GSG1L2: variants seen among roughly 807,000 people sequenced by gnomAD.
The protein encoded by GSG1L2 is GSG1 like 2.
GSG1L2 carries 15 observed loss-of-function variants against 9.0 expected under a neutral mutation model. The ratio of observed to expected loss-of-function variants is 1.67; its 90% CI spans 1.12 to 2.57. The LOEUF (loss-of-function observed/expected upper bound fraction) is 2.57, where lower values mean the gene tolerates loss of function less well. Among genes scored for constraint, GSG1L2 ranks in the 30% most tolerant of loss-of-function variants. GSG1L2 has a pLI of 0.00. For missense variants in GSG1L2, 286 were observed against 150.3 expected, an observed-to-expected ratio of 1.90 and a Z score of -4.72; for synonymous variants, 127 against 57.9, an observed-to-expected ratio of 2.19 and a Z score of -5.41.
Position 9,820,632 on chromosome 17 carries a change from G to T in GSG1L2, c.310+1130C>A, listed in dbSNP as rs1442144532. ...CCACCACTGGGAGAGAGGGTGGAAG[G>T]GAGGGACATACAGCACCTCTGAGTG... is the stretch of plus-strand genomic sequence containing the variant. On this transcript the variant is annotated intron_variant, in intron 1 of 4. Transcript: ENST00000399363. The surrounding 1 kb of genome is among the most constrained non-coding windows in gnomAD (Gnocchi z 4.9). Among the ~76,000 whole-genome samples the T allele has an allele frequency of 6.6e-6, 1 of 151,692 alleles. No homozygotes were observed. Among genetic ancestry groups the T allele is most frequent in the East Asian group, 1.9e-4 (1 of 5,170 alleles).
rs1353972043 is a variant in GSG1L2 at position 9,808,845 on chromosome 17, A to G, written c.496T>C (p.Phe166Leu). 1.4e-6 allele frequency: 1 copy of G among 702,866 alleles called. No homozygotes were observed. Among genetic ancestry groups the G allele is most frequent in the East Asian group, 2.7e-5 (1 of 37,268 alleles). 43.5% of individuals were successfully genotyped at this position (702,866 alleles called of 1,614,324 possible). A position where few individuals can be genotyped will look rare whatever the true frequency, so the allele number is the denominator to read the frequency against. ...WLRVDALVAI[F>L]MVLAGLLGMV... ...TGGAAAGTACCTGCCAGCACCATGA[A>G]GATGGCTACCAAGGCATCCACCCTG... The change falls in exon 3 of 5, where the codon TTC (phenylalanine) becomes CTC (leucine). Residue 166 changes from phenylalanine (F) to leucine (L), a missense_variant. Physicochemically the swap from Phe to Leu is conservative, Grantham distance 22. Transcript: ENST00000399363.
chr17:9,811,546 CAGAT>C (rs1257097961), intron 1 of GSG1L2, among the ~76,000 whole-genome samples: 4 of 152,160 alleles, frequency 2.6e-5, no homozygotes, highest in Non-Finnish European at 5.9e-5. Flanking sequence ...TAGGGGGTGA[CAGAT>C]GGAGGATTGA....
intron 2 of GSG1L2, 151 bp from the exon 3 acceptor site, chr17:9,809,133 T>A: frequency 1.6e-6 from 1 of 610,068 alleles, no homozygotes; most frequent in Non-Finnish European, 3.0e-6. Flanking sequence ...GAATCTTAGC[T>A]GGCAATGGAA....
rs577626414 is a variant in GSG1L2, at chr17:9,815,705, A to G, written c.311-5087T>C. Among the ~76,000 whole-genome samples the G allele has an allele frequency of 8.5e-5, 13 of 152,338 alleles. No homozygotes were observed. In the South Asian group the frequency reaches 1.9e-3, roughly 22 times the overall value. ...ATCTCAAAAGGCATCTCTGAGGAGT[A>G]ATATTTGAGGACATCCAGTGAGGTA... On this transcript the variant is annotated intron_variant, in intron 1 of 4. Coordinates refer to ENST00000399363, the MANE Select transcript of GSG1L2 (RefSeq NM_001310219.2).
chr17:9,812,341 T>TC (rs1322598813), intron 1 of GSG1L2, among the ~76,000 whole-genome samples: 1 of 152,088 alleles, frequency 6.6e-6, no homozygotes, highest in Non-Finnish European at 1.5e-5. Flanking sequence ...GCTCCCTATT[T>TC]CCCCTAGCAT....
chr17:9,807,782 C>T (rs1267663867), intron 3 of GSG1L2, 181 bp from the exon 4 acceptor site: 7 of 578,174 alleles, frequency 1.2e-5, no homozygotes, highest in African/African-American at 1.1e-4. Context: ...ACTGAAGAGA[C>T]ATCCGGAAAG....
chr17:9,808,849 G>A lies in GSG1L2; in HGVS notation c.492C>T (p.Ala164=), dbSNP rs1309115403. The A allele has an allele frequency of 8.5e-6, 6 of 702,760 alleles. No homozygotes were observed. The highest frequency in any genetic ancestry group is 1.6e-5 in the Non-Finnish European group (6 of 384,976). The allele number at this position is 702,760 out of a possible 1,614,324, so 43.5% of individuals were successfully genotyped here. Residue 164 remains alanine (A), a synonymous_variant, in exon 3 of 5, where the codon GCC becomes GCT. Coordinates refer to ENST00000399363, the MANE Select transcript of GSG1L2 (RefSeq NM_001310219.2). The stretch of plus-strand genomic sequence containing the variant: ...AAGTACCTGCCAGCACCATGAAGAT[G>A]GCTACCAAGGCATCCACCCTGAGCC... ...FHWLRVDALV[A]IFMVLAGLLG...
In GSG1L2 at chr17:9,802,600, G is replaced by A. The variant is rs778342420; in HGVS notation, c.668C>T (p.Ser223Leu). ...GGCTGCCGTGAACCTGCTCATGGCC[G>A]AGACCGACACAGCCAGGCAGAGGGC... The part of the protein sequence containing the change: ...SFALCLAVSV[S>L]AMSRFTAARL... Residue 223 changes from serine (S) to leucine (L), a missense_variant, in exon 5 of 5, where the codon TCG becomes TTG. Ser to Leu is a moderately radical substitution (Grantham distance 145). Coordinates refer to ENST00000399363, the MANE Select transcript of GSG1L2 (RefSeq NM_001310219.2). 1.7e-4 allele frequency: 116 copies of A among 702,914 alleles called. 1 individual carries two copies. Among genetic ancestry groups the A allele is most frequent in the African/African-American group, 2.1e-4 (12 of 57,322 alleles). The allele number at this position is 702,914 out of a possible 1,614,324, so 43.5% of individuals were successfully genotyped here.
intron 2 of GSG1L2, 95 bp from the exon 3 acceptor site, chr17:9,809,077 CAT>C: frequency 1.5e-6 from 1 of 650,460 alleles, no homozygotes; most frequent in Non-Finnish European, 2.8e-6. Context: ...CTAAACAAAA[CAT>C]GAAAAACAGA....
At chr17:9,810,828 G>C in intron 1 of GSG1L2, 1 of 566,020 alleles carries the variant, frequency 1.8e-6, no homozygotes, top group Non-Finnish European at 3.1e-6. Flanking sequence ...TTTGACCAAT[G>C]AACTGGGAGC....
rs571198756 is a variant in GSG1L2, at chr17:9,801,311, G to A, written c.*1075C>T. On this transcript the variant is annotated 3_prime_UTR_variant, in exon 5 of 5. Transcript: ENST00000399363. ...CAACCTCCACCTCCCAGGTTCAAGC[G>A]ATTTCCCTGCCTCAGCCTCCTGAGT... 1.3e-4 allele frequency among the ~76,000 whole-genome samples: 20 copies of A among 151,926 alleles called. No homozygotes were observed. Among genetic ancestry groups the A allele is most frequent in the South Asian group, 4.2e-4 (2 of 4,804 alleles).
At chr17:9,816,909 T>C (rs2152024634) in intron 1 of GSG1L2, among the ~76,000 whole-genome samples, 1 of 90,730 alleles carries the variant, frequency 1.1e-5, no homozygotes, top group Non-Finnish European at 2.0e-5. Context: ...TGTGTGTGTA[T>C]CTGTGTGTGT....
chr17:9,815,960 G>C (rs923062405), intron 1 of GSG1L2, among the ~76,000 whole-genome samples: 1 of 152,148 alleles, frequency 6.6e-6, no homozygotes, highest in Non-Finnish European at 1.5e-5. Context: ...AGTTGGACTA[G>C]TGGTTTTGTA....
In GSG1L2 at chr17:9,803,023, T is replaced by C. The variant is rs946334098; in HGVS notation, c.624-379A>G. Among the ~76,000 whole-genome samples, 5 of 152,048 alleles carry C rather than the reference T, an allele frequency of 3.3e-5. No individual in the cohort carries two copies. The South Asian group carries it at 6.2e-4, about 19-fold the overall frequency. On this transcript the variant is annotated intron_variant, in intron 4 of 4. Coordinates refer to ENST00000399363, the MANE Select transcript of GSG1L2 (RefSeq NM_001310219.2). ...GCGTGGGAAGTATTAATACTTAGTA[T>C]AGCATCTGCTGCATAGAAGTTTCCA...
At position 9,820,037 on chromosome 17, in the gene GSG1L2, C is replaced by A. The variant is rs1369702981; in HGVS notation, c.310+1725G>T. On this transcript the variant is annotated intron_variant, in intron 1 of 4. Coordinates refer to ENST00000399363, the MANE Select transcript of GSG1L2 (RefSeq NM_001310219.2). The surrounding 1 kb of genome is among the most constrained non-coding windows in gnomAD (Gnocchi z 4.9). ...CCCAGGAGGTGGAAGTTGCAGTGAG[C>A]TGAGATTGCGCCGTTGCAATCCAGC... Among the ~76,000 whole-genome samples the A allele has an allele frequency of 6.6e-6, 1 of 151,968 alleles. No homozygotes were observed. The highest frequency in any genetic ancestry group is 1.5e-5 in the Non-Finnish European group (1 of 68,000).
chr17:9,811,461 T>A (rs2066538564), intron 1 of GSG1L2, among the ~76,000 whole-genome samples: 1 of 152,188 alleles, frequency 6.6e-6, no homozygotes, highest in Non-Finnish European at 1.5e-5. Flanking sequence ...GCCACAGCCT[T>A]ACATATGCAG....
Position 9,820,606 on chromosome 17 carries a change from G to A in GSG1L2, c.310+1156C>T, listed in dbSNP as rs1321340673. On this transcript the variant is annotated intron_variant, in intron 1 of 4. Transcript: ENST00000399363. The surrounding 1 kb of genome is among the most constrained non-coding windows in gnomAD (Gnocchi z 4.9). ...TCAGGCTGGGTACTGCCCCACATTG[G>A]CCACCACTGGGAGAGAGGGTGGAAG... 6.6e-6 allele frequency among the ~76,000 whole-genome samples: 1 copy of A among 152,054 alleles called. No individual in the cohort carries two copies. Among genetic ancestry groups the A allele is most frequent in the African/African-American group, 2.4e-5 (1 of 41,370 alleles).
chr17:9,807,752 ATC>A lies in GSG1L2; in HGVS notation c.512-153_512-152del, dbSNP rs2066521660. On this transcript the variant is annotated intron_variant, in intron 3 of 4. Coordinates refer to ENST00000399363, the MANE Select transcript of GSG1L2 (RefSeq NM_001310219.2). ...TTCATCCTTAAACATTCCGCTGGAC[ATC>A]TCTTTCCCACAATTGAAACTGAAGA... 2.7e-5 allele frequency: 16 copies of A among 599,730 alleles called. No individual in the cohort carries two copies. The East Asian group carries it at 4.6e-4, about 17-fold the overall frequency. The allele number at this position is 599,730 out of a possible 1,614,324, so 37.2% of individuals were successfully genotyped here. A position where few individuals can be genotyped will look rare whatever the true frequency, so the allele number is the denominator to read the frequency against.
At chr17:9,819,974 A>G (rs2066582705) in intron 1 of GSG1L2, among the ~76,000 whole-genome samples, 1 of 151,694 alleles carries the variant, frequency 6.6e-6, no homozygotes, top group Non-Finnish European at 1.5e-5. Context: ...CTGTAATCCC[A>G]GCTTCTGGGG....
Sources: gnomAD v4.1 joint callset for allele counts (sites outside exome capture counted in the v4.1 genomes callset) on GRCh38, gnomAD v4.1.1 for gene constraint, Gnocchi (gnomAD v3.1) non-coding constraint, MANE v1.5 for transcripts, NCBI Gene and HGNC (gene_info 2026-07-23, HGNC 2026-07-21) for gene names.